Variants in CHD1 observed in about 807,000 individuals in gnomAD.
CHD1 encodes the protein chromodomain helicase DNA binding protein 1, also known as ATP-dependent chromatin remodeler CHD1.
CHD1 carries 36 observed loss-of-function variants against 224.2 expected under a neutral mutation model. The observed-to-expected ratio is 0.16, with a 90% CI of 0.12 to 0.21. The LOEUF (loss-of-function observed/expected upper bound fraction) is 0.21, where lower values mean the gene tolerates loss of function less well. Ranked by LOEUF, CHD1 falls within the 10% of genes least tolerant of loss-of-function variation. The pLI is 1.00. For missense variants in CHD1, 1,378 were observed against 1,994.8 expected (o/e 0.69, Z 5.89); for synonymous variants, 668 against 658.3 (o/e 1.01, Z -0.23).
intron 2 of CHD1, among the ~76,000 whole-genome samples, chr5:98,911,472 T>C (rs994383577): frequency 2.6e-5 from 4 of 151,956 alleles, no homozygotes; most frequent in African/African-American, 9.7e-5. Flanking sequence ...GGATACTACA[T>C]CTAGGGGAAG....
chr5:98,857,298 G>A (rs183578286), intron 35 of CHD1, among the ~76,000 whole-genome samples: 19 of 150,136 alleles, frequency 1.3e-4, no homozygotes, highest in Admixed American at 1.2e-3. Context: ...GCAGTTTAAT[G>A]AGAATTATTC....
In CHD1 at chr5:98,872,160, A is replaced by G. The variant is rs200447490; in HGVS notation, c.3752T>C (p.Ile1251Thr). 10 of 1,613,816 alleles carry G rather than the reference A, an allele frequency of 6.2e-6. No individual in the cohort carries two copies. In the East Asian group the frequency reaches 8.9e-5, roughly 14 times the overall value. ...PCHTKAAHFD[I>T]DWGKEDDSNL... Reference sequence around the variant, plus strand: ...GGAATCATCTTCTTTGCCCCAGTCTATATCAAAATGAGCTGCCTTTGTGTG... The same window carrying G: ...GGAATCATCTTCTTTGCCCCAGTCTGTATCAAAATGAGCTGCCTTTGTGTG... The change falls in exon 28 of 36, where the codon ATA becomes ACA. Residue 1251 changes from isoleucine to threonine, a missense_variant. This residue lies in a region of CHD1 where 286 missense variants were observed against 445.1 expected (regional missense o/e 0.64). Transcript: ENST00000614616.
At chr5:98,902,803 A>AAT (rs1751805123) in intron 5 of CHD1, 97 bp downstream of exon 5, 1 of 676,344 alleles carries the variant, frequency 1.5e-6, no homozygotes. Flanking sequence ...AAGAATTTAG[A>AAT]AGAGTCTCCT....
chr5:98,926,250 A>T, intron 2 of CHD1, 84 bp downstream of exon 2: 1 of 854,858 alleles, frequency 1.2e-6, no homozygotes, highest in Non-Finnish European at 1.8e-6. Context: ...GAGGAAAACT[A>T]AATAACAACA....
At chr5:98,928,066 C>A (rs1389284514) in intron 1 of CHD1, among the ~76,000 whole-genome samples, 1 of 152,140 alleles carries the variant, frequency 6.6e-6, no homozygotes, top group Non-Finnish European at 1.5e-5. Context: ...GCCTCCCTCG[C>A]GGACCTGCCC....
chr5:98,897,726 G>A (rs111900944), intron 10 of CHD1, among the ~76,000 whole-genome samples: 38 of 152,216 alleles, frequency 2.5e-4, no homozygotes, highest in Non-Finnish European at 4.3e-4. Context: ...CTTGTAATAA[G>A]GAAAGAAAGT....
chr5:98,898,844 G>C (rs1751508568), intron 8 of CHD1, 80 bp from the exon 9 acceptor site: 1 of 775,080 alleles, frequency 1.3e-6, no homozygotes. Flanking sequence ...AACACTATTT[G>C]TAGCACAAAA....
At chr5:98,870,188 C>T (rs1749226813) in intron 29 of CHD1, among the ~76,000 whole-genome samples, 1 of 152,132 alleles carries the variant, frequency 6.6e-6, no homozygotes, top group Non-Finnish European at 1.5e-5. Flanking sequence ...GCACAAGAGA[C>T]TGCATTAGGA....
intron 5 of CHD1, 126 bp from the exon 6 acceptor site, chr5:98,901,461 TA>T (rs1751707621): frequency 8.8e-6 from 6 of 680,134 alleles, no homozygotes; most frequent in Non-Finnish European, 1.4e-5. Flanking sequence ...TTACTCATGC[TA>T]AAAATGAAAT....
intron 30 of CHD1, chr5:98,869,287 G>C (rs1749135892): frequency 1.0e-6 from 1 of 986,262 alleles, no homozygotes; most frequent in Non-Finnish European, 1.2e-6. Flanking sequence ...CCTGGAAAGT[G>C]CAAGTATGGC....
chr5:98,897,207 A>C lies in CHD1; in HGVS notation c.1479T>G (p.Ala493=). 6.2e-7 allele frequency: 1 copy of C among 1,611,680 alleles called. No homozygotes were observed. Among genetic ancestry groups the C allele is most frequent in the Non-Finnish European group, 8.5e-7 (1 of 1,178,952 alleles). Residue 493 remains alanine (A), a synonymous_variant, in exon 11 of 36, where the codon GCT becomes GCG. Transcript: ENST00000614616. ...DYQLNGLNWL[A]HSWCKGNSCI... is the part of the protein sequence containing the mutation. ...AATATACTTACTTGCACCAAGAATGAGCAAGCCAATTTAAACCATTCAGTT... is the reference window on the plus strand; with the variant it reads ...AATATACTTACTTGCACCAAGAATGCGCAAGCCAATTTAAACCATTCAGTT...
chr5:98,928,372 G>A lies in CHD1; in HGVS notation c.-149+167C>T, dbSNP rs967624425. Among the ~76,000 whole-genome samples, 5 of 151,810 alleles carry A rather than the reference G, an allele frequency of 3.3e-5. No homozygotes were observed. In the East Asian group the frequency reaches 9.7e-4, roughly 30 times the overall value. On this transcript the variant is annotated intron_variant, in intron 1 of 35. Transcript: ENST00000614616. ...CCCGGCCTGTACTCGCCGCTCACAC[G>A]CCCCCTGCGCGCCAGGCCCGTACAC...
Position 98,855,534 on chromosome 5 carries a change from A to C in CHD1, c.*846T>G, listed in dbSNP as rs1424806765. On this transcript the variant is annotated 3_prime_UTR_variant, in exon 36 of 36. Transcript: ENST00000614616. Reference sequence around the variant, plus strand: ...AATATTGACTAAAAAAGGAAAAAAAAGGGAATAACATGTATCTAATAAAAT... The same window carrying C: ...AATATTGACTAAAAAAGGAAAAAAACGGGAATAACATGTATCTAATAAAAT... 6.6e-6 allele frequency: 1 copy of C among 152,262 alleles called. No homozygotes were observed. The highest frequency in any genetic ancestry group is 6.5e-5 in the Admixed American group (1 of 15,270). 9.4% of individuals were successfully genotyped at this position (152,262 alleles called of 1,614,324 possible).
chr5:98,863,360 C>T, intron 32 of CHD1, 48 bp downstream of exon 32: 1 of 1,042,070 alleles, frequency 9.6e-7, no homozygotes, highest in Non-Finnish European at 1.3e-6. Flanking sequence ...AAAAAAAAGA[C>T]AGTTATATAA....
chr5:98,898,825 C>T (rs1454019098), intron 8 of CHD1, 61 bp from the exon 9 acceptor site: 11 of 905,440 alleles, frequency 1.2e-5, no homozygotes, highest in Non-Finnish European at 1.8e-5. Context: ...CTTTCACTCC[C>T]CCATCCCCAA....
intron 13 of CHD1, among the ~76,000 whole-genome samples, chr5:98,894,381 T>A (rs1287201187): frequency 6.6e-6 from 1 of 152,178 alleles, no homozygotes; most frequent in East Asian, 1.9e-4. Context: ...CAGATAAATA[T>A]ATGGTCTCTG....
At position 98,917,299 on chromosome 5, in the gene CHD1, C is replaced by CCAAAAAAAAAAAAAAAAAAAAA. The variant is rs775841258; in HGVS notation, c.53+9034_53+9035insTTTTTTTTTTTTTTTTTTTTTG. On this transcript the variant is annotated intron_variant, in intron 2 of 35. Coordinates refer to ENST00000614616, the MANE Select transcript of CHD1 (RefSeq NM_001270.4). The stretch of plus-strand genomic sequence containing the variant: ...GCCCATCCCTCCAAAAACAAAGAAA[C>CCAAAAAAAAAAAAAAAAAAAAA]AAAAAAAAAAAACAACCTCTTAATT... Among the ~76,000 whole-genome samples, 90 of 119,834 alleles carry CCAAAAAAAAAAAAAAAAAAAAA rather than the reference C, an allele frequency of 7.5e-4. 9 individuals carry two copies. The highest frequency in any genetic ancestry group is 3.5e-3 in the African/African-American group (89 of 25,312). The allele number at this position is 119,834 out of a possible 152,430, so 78.6% of individuals were successfully genotyped here. A position where few individuals can be genotyped will look rare whatever the true frequency, so the allele number is the denominator to read the frequency against.
At chr5:98,880,962 A>G (rs922919702) in intron 22 of CHD1, 114 bp downstream of exon 22, 7 of 711,378 alleles carry the variant, frequency 9.8e-6, no homozygotes, top group African/African-American at 7.3e-5. Context: ...TAGTTTTTAC[A>G]TAACACAGCA....
At position 98,928,307 on chromosome 5, in the gene CHD1, G is replaced by GGCAGGGCCGCCGGGCCGGC. The variant is rs1320115063; in HGVS notation, c.-149+213_-149+231dup. On this transcript the variant is annotated intron_variant, in intron 1 of 35. Coordinates refer to ENST00000614616, the MANE Select transcript of CHD1 (RefSeq NM_001270.4). ...GTCGGCACCAAGCCGAAGAGGCCGG[G>GGCAGGGCCGCCGGGCCGGC]GCAGGGCCGCCGGGCCGGCGCAAGG... Among the ~76,000 whole-genome samples, 5 of 152,190 alleles carry GGCAGGGCCGCCGGGCCGGC rather than the reference G, an allele frequency of 3.3e-5. No homozygotes were observed. In the East Asian group the frequency reaches 5.8e-4, roughly 18 times the overall value.
Sources: gnomAD v4.1 joint callset for allele counts (sites outside exome capture counted in the v4.1 genomes callset) on GRCh38, gnomAD v4.1.1 for gene constraint, gnomAD v4.1.1 regional missense constraint, MANE v1.5 for transcripts, NCBI Gene and HGNC (gene_info 2026-07-23, HGNC 2026-07-21) for gene names.